The following STIL variants were observed in gnomAD, a reference collection of about 807,000 sequenced individuals.
STIL encodes STIL centriolar assembly protein.
STIL carries 55 observed loss-of-function variants against 110.1 expected under a neutral mutation model. The ratio of observed to expected loss-of-function variants is 0.50; its 90% confidence interval spans 0.40 to 0.63. The LOEUF (loss-of-function observed/expected upper bound fraction) is 0.63, where lower values mean the gene tolerates loss of function less well. STIL is among the 20% of genes least tolerant of loss of function. The pLI, the probability that STIL is intolerant of heterozygous loss-of-function variation, is 0.00. For missense variants in STIL, 1,358 were observed against 1,530.0 expected (o/e 0.89, Z 1.87); for synonymous variants, 481 against 530.0 (o/e 0.91, Z 1.27).
At chr1:47,271,049 T>C (rs1644820763) in intron 13 of STIL, among the ~76,000 whole-genome samples, 1 of 152,088 alleles carries the variant, frequency 6.6e-6, no homozygotes, top group Admixed American at 6.6e-5. Context: ...GTTTACTTAC[T>C]CTTTCTTTAA....
chr1:47,289,723 C>G, intron 8 of STIL, 138 bp from the exon 9 acceptor site: 1 of 764,262 alleles, frequency 1.3e-6, no homozygotes. Context: ...GGGTCCACCA[C>G]TTAGGAAGGC....
intron 8 of STIL, among the ~76,000 whole-genome samples, chr1:47,290,339 T>A (rs1447942191): frequency 3.3e-5 from 5 of 152,222 alleles, no homozygotes; most frequent in Non-Finnish European, 7.3e-5. Context: ...TTACTATATA[T>A]CATCAATATG....
intron 3 of STIL, among the ~76,000 whole-genome samples, chr1:47,304,028 G>C (rs1206459803): frequency 6.6e-6 from 1 of 152,004 alleles, no homozygotes; most frequent in Non-Finnish European, 1.5e-5. Context: ...TGTGAAACTG[G>C]TATTATTATA....
intron 13 of STIL, among the ~76,000 whole-genome samples, chr1:47,270,267 C>T (rs866491940): frequency 4.4e-4 from 66 of 148,864 alleles, no homozygotes; most frequent in Admixed American, 1.1e-3. Context: ...CACACACACA[C>T]ACACACACAC....
intron 13 of STIL, 105 bp from the exon 14 acceptor site, chr1:47,269,971 T>C: frequency 9.4e-7 from 1 of 1,063,384 alleles, no homozygotes; most frequent in East Asian, 2.5e-5. Flanking sequence ...GTGCAATGGC[T>C]CACGCCTATA....
intron 6 of STIL, among the ~76,000 whole-genome samples, chr1:47,297,047 G>T (rs1428952033): frequency 1.3e-5 from 2 of 152,132 alleles, no homozygotes; most frequent in Non-Finnish European, 2.9e-5. Context: ...CTCCTTAAAA[G>T]AATTAGTTCA....
chr1:47,252,374 CCT>C (rs1476442659), intron 16 of STIL, among the ~76,000 whole-genome samples: 2 of 151,936 alleles, frequency 1.3e-5, no homozygotes, highest in Non-Finnish European at 2.9e-5. Flanking sequence ...AGAACAAGAC[CCT>C]GTCTCTTAAA....
At chr1:47,302,863 T>A (rs1049987981) in intron 3 of STIL, among the ~76,000 whole-genome samples, 1 of 152,132 alleles carries the variant, frequency 6.6e-6, no homozygotes, top group African/African-American at 2.4e-5. Context: ...AATAGTAGCA[T>A]AATTTTAACA....
intron 2 of STIL, among the ~76,000 whole-genome samples, chr1:47,305,711 C>G (rs1480079624): frequency 8.8e-5 from 13 of 147,894 alleles, no homozygotes; most frequent in African/African-American, 3.3e-4. Flanking sequence ...CAGGCGTGAG[C>G]CACCACGCCT....
At chr1:47,270,241 AATATATAT>A (rs55650175) in intron 13 of STIL, among the ~76,000 whole-genome samples, 4 of 118,638 alleles carry the variant, frequency 3.4e-5, no homozygotes, top group African/African-American at 1.4e-4. Context: ...AAAAAAAAAA[AATATATAT>A]ATATATACAC....
intron 3 of STIL, among the ~76,000 whole-genome samples, chr1:47,302,847 ATAAT>A (rs1176537806): frequency 6.6e-6 from 1 of 152,186 alleles, no homozygotes; most frequent in Non-Finnish European, 1.5e-5. Context: ...ATTAACAACA[ATAAT>A]TAATAGTAGC....
chr1:47,291,082 G>A (rs928077972), intron 8 of STIL, among the ~76,000 whole-genome samples: 8 of 152,106 alleles, frequency 5.3e-5, no homozygotes, highest in African/African-American at 2.4e-5. Context: ...ACTCTTGGCC[G>A]GGTGCAGTGG....
chr1:47,295,777 G>A lies in STIL; in HGVS notation c.773C>T (p.Pro258Leu). The change falls in exon 7 of 17, where the codon CCA becomes CTA. Residue 258 changes from proline (P) to leucine (L), a missense_variant. Transcript: ENST00000371877. ...ATGTAATACTTACATTCCCACCAAT[G>A]GTAGAGAATAAACCTTGGGATCAGA... ...LESDPKVYSL[P>L]LVGIWLSGIT... 1 of 1,609,210 alleles carries A rather than the reference G, an allele frequency of 6.2e-7. No homozygotes were observed.
chr1:47,285,111 C>T (rs1645260679), intron 10 of STIL, among the ~76,000 whole-genome samples: 1 of 150,066 alleles, frequency 6.7e-6, no homozygotes, highest in Non-Finnish European at 1.5e-5. Flanking sequence ...GAAGCCTTGA[C>T]CTCCTGGGCA....
At chr1:47,279,307 G>A (rs1312337525) in intron 12 of STIL, among the ~76,000 whole-genome samples, 5 of 147,864 alleles carry the variant, frequency 3.4e-5, no homozygotes, top group Non-Finnish European at 7.5e-5. Flanking sequence ...AAAATCATAC[G>A]TATATATGCA....
At chr1:47,276,654 CA>C (rs1372499894) in intron 12 of STIL, among the ~76,000 whole-genome samples, 1 of 151,302 alleles carries the variant, frequency 6.6e-6, no homozygotes, top group Non-Finnish European at 1.5e-5. Flanking sequence ...ACTAAAAATA[CA>C]AAAATTAACC....
intron 16 of STIL, 116 bp downstream of exon 16, chr1:47,260,173 G>A: frequency 9.2e-7 from 1 of 1,082,968 alleles, no homozygotes; most frequent in South Asian, 1.6e-5. Context: ...CTTTTCTGAT[G>A]AGATTGCCAC....
chr1:47,278,785 G>A (rs10890475), intron 12 of STIL, among the ~76,000 whole-genome samples: 33,720 of 151,218 alleles, frequency 0.22, 4,414 homozygotes, highest in East Asian at 0.53. Flanking sequence ...GGGCAATATA[G>A]GAAGACCTTT....
chr1:47,289,036 T>C (rs1456812642), intron 9 of STIL, among the ~76,000 whole-genome samples: 11 of 122,868 alleles, frequency 9.0e-5, no homozygotes, highest in Non-Finnish European at 1.6e-4. Context: ...CACTCCAGCC[T>C]GGGCAACTGA....
Sources: allele counts gnomAD v4.1 joint callset (sites outside exome capture counted in the v4.1 genomes callset), GRCh38; gene constraint gnomAD v4.1.1; transcripts MANE v1.5; gene names NCBI Gene and HGNC (gene_info 2026-07-23, HGNC 2026-07-21).